The following CELF2 variants were observed in gnomAD, a reference collection of about 807,000 sequenced individuals.
CELF2 encodes CUG triplet repeat RNA-binding protein 2.
A neutral mutation model predicts 62.6 loss-of-function variants in CELF2; 8 were observed. The observed-to-expected ratio is 0.13, with a 90% CI of 0.07 to 0.23. CELF2 has a LOEUF of 0.23. Ranked by LOEUF, CELF2 falls within the 10% of genes least tolerant of loss-of-function variation. CELF2 has a pLI of 1.00. For missense variants in CELF2, 333 were observed against 671.0 expected (o/e 0.50, Z 5.56); for synonymous variants, 258 against 250.0 (o/e 1.03, Z -0.30).
chr10:11,121,612 C>T (rs574458646), intron 1 of CELF2, among the ~76,000 whole-genome samples: 2 of 152,140 alleles, frequency 1.3e-5, no homozygotes, highest in South Asian at 2.1e-4. Flanking sequence ...GCGACGCAGA[C>T]GTTAGTGAAA....
At chr10:10,877,055 A>G (rs2061143788) in intron 1 of CELF2, among the ~76,000 whole-genome samples, 1 of 152,218 alleles carries the variant, frequency 6.6e-6, no homozygotes, top group Non-Finnish European at 1.5e-5. Context: ...CTATTGCAGG[A>G]GGCATCTAAA....
chr10:10,924,281 C>CAAAAAAAAAAAAAA lies in CELF2; in HGVS notation c.89+4298_89+4311dup, dbSNP rs11415164. On this transcript the variant is annotated intron_variant, in intron 2 of 13. Coordinates refer to the CELF2 transcript ENST00000636488. ...TGGGCAACACAGCGAGACTCCGTCC[C>CAAAAAAAAAAAAAA]AAAAAAAAAAAAAAAAAAAAAAAAA... 1.1e-4 allele frequency among the ~76,000 whole-genome samples: 5 copies of CAAAAAAAAAAAAAA among 45,102 alleles called. 1 individual carries two copies. The highest frequency in any genetic ancestry group is 3.1e-4 in the Admixed American group (1 of 3,194). 29.6% of individuals were successfully genotyped at this position (45,102 alleles called of 152,430 possible).
rs2095449664 is a variant in CELF2, at chr10:11,321,723, T to C, written c.1294+337T>C. 6.6e-6 allele frequency among the ~76,000 whole-genome samples: 1 copy of C among 152,184 alleles called. No homozygotes were observed. The highest frequency in any genetic ancestry group is 2.4e-5 in the African/African-American group (1 of 41,448). ...AAACAAAAGCAAAAACCTATTTATT[T>C]CAGTCTTTCTCACTTGGTCTTATAG... is the stretch of plus-strand genomic sequence containing the variant. On this transcript the variant is annotated intron_variant, in intron 11 of 12. Coordinates refer to ENST00000633077, the MANE Select transcript of CELF2 (RefSeq NM_001326342.2). The surrounding 1 kb of genome is among the most constrained non-coding windows in gnomAD (Gnocchi z 6.2).
intron 1 of CELF2, among the ~76,000 whole-genome samples, chr10:11,041,191 G>A (rs187591953): frequency 2.0e-5 from 3 of 152,222 alleles, no homozygotes; most frequent in Admixed American, 6.5e-5. Context: ...CGGGAGCTCC[G>A]CCCTTGTGAC....
chr10:10,696,586 G>T, the CELF2 span, among the ~76,000 whole-genome samples: 1 of 151,974 alleles, frequency 6.6e-6, no homozygotes, highest in Non-Finnish European at 1.5e-5. Context: ...GCAATGGCGG[G>T]CGCCCCTCCC....
chr10:11,198,557 T>C (rs979286751), intron 2 of CELF2, among the ~76,000 whole-genome samples: 1 of 152,222 alleles, frequency 6.6e-6, no homozygotes. Flanking sequence ...AATAAGGATA[T>C]TGATGCTTAC....
chr10:10,651,037 G>C, the CELF2 span, among the ~76,000 whole-genome samples: 9 of 151,348 alleles, frequency 5.9e-5, no homozygotes, highest in African/African-American at 2.0e-4. Flanking sequence ...GCCGAAGCAG[G>C]GCGAGGCATT....
At chr10:11,180,853 G>A (rs1463627760) in intron 2 of CELF2, among the ~76,000 whole-genome samples, 3 of 149,536 alleles carry the variant, frequency 2.0e-5, no homozygotes, top group Non-Finnish European at 4.4e-5. Flanking sequence ...AGCATGGAAT[G>A]AATGAATGAA....
chr10:10,954,589 G>A (rs80195374), intron 2 of CELF2, among the ~76,000 whole-genome samples: 2,729 of 152,212 alleles, frequency 0.018, 45 homozygotes, highest in Non-Finnish European at 0.028. Flanking sequence ...CCATTTTCCC[G>A]ATCCAGCAAT....
At chr10:11,320,390 G>A (rs1346470610) in intron 10 of CELF2, among the ~76,000 whole-genome samples, 2 of 152,186 alleles carry the variant, frequency 1.3e-5, no homozygotes, top group African/African-American at 4.8e-5. Context: ...CTCTTTCAGT[G>A]GCCGAAACCC....
chr10:10,713,962 G>C, the CELF2 span, among the ~76,000 whole-genome samples: 1 of 152,168 alleles, frequency 6.6e-6, no homozygotes. Flanking sequence ...TTGAACCTGG[G>C]AGGTGAAGAT....
In CELF2 at chr10:10,957,764, G is replaced by A. The variant is rs999901659; in HGVS notation, c.89+37765G>A. Among the ~76,000 whole-genome samples, 7 of 152,254 alleles carry A rather than the reference G, an allele frequency of 4.6e-5. No individual in the cohort carries two copies. In the South Asian group the frequency reaches 6.2e-4, roughly 14 times the overall value. On this transcript the variant is annotated intron_variant, in intron 2 of 13. Coordinates refer to the CELF2 transcript ENST00000636488. The surrounding 1 kb of genome is among the most constrained non-coding windows in gnomAD (Gnocchi z 4.1). ...CTGGTTTGAAAGTCAGGACAAACAC[G>A]GGCCCTTTAACTCACAAACCACGTT...
intron 1 of CELF2, among the ~76,000 whole-genome samples, chr10:11,041,951 T>C (rs979566878): frequency 2.6e-5 from 4 of 152,248 alleles, no homozygotes; most frequent in Non-Finnish European, 4.4e-5. Flanking sequence ...ATGTGAATTG[T>C]ACTAAAATTA....
chr10:11,189,916 C>A (rs1266961569), intron 2 of CELF2, among the ~76,000 whole-genome samples: 1 of 152,182 alleles, frequency 6.6e-6, no homozygotes, highest in Non-Finnish European at 1.5e-5. Flanking sequence ...TCCTCTCATT[C>A]CCTTCATTAC....
intron 1 of CELF2, among the ~76,000 whole-genome samples, chr10:11,022,836 A>G (rs1233994351): frequency 6.6e-6 from 1 of 152,212 alleles, no homozygotes; most frequent in Non-Finnish European, 1.5e-5. Context: ...TAATGGGAAT[A>G]TGATGTCATT....
chr10:10,607,003 A>AC, the CELF2 span, among the ~76,000 whole-genome samples: 5 of 152,218 alleles, frequency 3.3e-5, no homozygotes, highest in African/African-American at 1.2e-4. Context: ...TTTTAATTAA[A>AC]GAAAAAAACA....
intron 1 of CELF2, among the ~76,000 whole-genome samples, chr10:10,823,964 C>G (rs1463421797): frequency 6.6e-6 from 1 of 151,166 alleles, no homozygotes; most frequent in African/African-American, 2.4e-5. Flanking sequence ...ATAGATCTAG[C>G]AGATGATAGA....
intron 1 of CELF2, among the ~76,000 whole-genome samples, chr10:11,059,184 G>A (rs1040291023): frequency 1.3e-5 from 2 of 152,198 alleles, no homozygotes; most frequent in African/African-American, 4.8e-5. Context: ...CAGGCTCTCT[G>A]ACTCATTTCA....
At chr10:10,887,363 G>C (rs2061825819) in intron 1 of CELF2, among the ~76,000 whole-genome samples, 1 of 152,192 alleles carries the variant, frequency 6.6e-6, no homozygotes, top group Admixed American at 6.5e-5. Flanking sequence ...AGCCTACGAA[G>C]AAAAATGTGG....
Sources: gnomAD v4.1 joint callset for allele counts (sites outside exome capture counted in the v4.1 genomes callset) on GRCh38, gnomAD v4.1.1 for gene constraint, Gnocchi (gnomAD v3.1) non-coding constraint, MANE v1.5 for transcripts, NCBI Gene and HGNC (gene_info 2026-07-23, HGNC 2026-07-21) for gene names.